CEP131: variants seen among roughly 807,000 people sequenced by gnomAD.
CEP131 encodes the protein centrosomal protein 131, also known as centrosomal protein of 131 kDa.
Under a neutral mutation model 136.8 loss-of-function variants are expected in CEP131, and 99 were observed. The ratio of observed to expected loss-of-function variants is 0.72; its 90% CI spans 0.62 to 0.86. The LOEUF is 0.86. Among genes scored for constraint, CEP131 ranks in the 40% least tolerant of loss-of-function variants. CEP131 has a pLI of 0.00. For missense variants in CEP131, 1,459 were observed against 1,463.0 expected (o/e 1.00, Z 0.04); for synonymous variants, 646 against 612.7 (o/e 1.05, Z -0.80).
chr17:81,191,106 G>A (rs771204829), intron 22 of CEP131, 22 bp from the exon 23 acceptor site: 41 of 1,599,616 alleles, frequency 2.6e-5, no homozygotes, highest in Non-Finnish European at 3.3e-5. Context: ...GGGAGGGCAG[G>A]GTCACTCCAG....
At chr17:81,202,807 C>CA (rs2061923252) in intron 6 of CEP131, among the ~76,000 whole-genome samples, 2 of 151,958 alleles carry the variant, frequency 1.3e-5, no homozygotes, top group Admixed American at 6.6e-5. Context: ...ACTAAAAACA[C>CA]AAAAAAATTC....
At chr17:81,220,836 G>A (rs1427032099) in intron 1 of CEP131, among the ~76,000 whole-genome samples, 5 of 151,776 alleles carry the variant, frequency 3.3e-5, no homozygotes, top group South Asian at 2.1e-4. Flanking sequence ...AAGGGGTTGC[G>A]TGTTGGCCGG....
chr17:81,207,817 C>T (rs1246224361), intron 3 of CEP131, among the ~76,000 whole-genome samples: 6 of 122,648 alleles, frequency 4.9e-5, no homozygotes, highest in East Asian at 2.3e-4. Flanking sequence ...GCCACAGCTG[C>T]GCCGAACACA....
chr17:81,212,321 CAAA>C (rs71166130), intron 2 of CEP131, among the ~76,000 whole-genome samples: 4 of 135,082 alleles, frequency 3.0e-5, no homozygotes, highest in Non-Finnish European at 6.3e-5. Context: ...GATTCCCTCT[CAAA>C]AAAAAAAAAA....
At position 81,211,106 on chromosome 17, in the gene CEP131, C is replaced by T. The variant is rs147003136; in HGVS notation, c.178-2084G>A. The stretch of plus-strand genomic sequence containing the variant: ...CACGGGCTTGGTCATACCTTCCAGA[C>T]CAGGCTACAGACAGTGACTACCAGA... On this transcript the variant is annotated intron_variant, in intron 2 of 25. Coordinates refer to ENST00000450824, the MANE Select transcript of CEP131 (RefSeq NM_014984.4). 9.4e-3 allele frequency among the ~76,000 whole-genome samples: 1,433 copies of T among 152,320 alleles called. 38 individuals are homozygous for T. The highest frequency in any genetic ancestry group is 0.06 in the Admixed American group (922 of 15,304).
intron 7 of CEP131, 141 bp from the exon 8 acceptor site, chr17:81,200,587 C>T (rs1296068918): frequency 6.3e-6 from 4 of 633,872 alleles, no homozygotes; most frequent in Non-Finnish European, 1.1e-5. Flanking sequence ...GCAGGACCAG[C>T]CCACCTGGAC....
At chr17:81,195,231 C>T (rs928624081) in intron 16 of CEP131, among the ~76,000 whole-genome samples, 2 of 152,228 alleles carry the variant, frequency 1.3e-5, no homozygotes, top group Non-Finnish European at 2.9e-5. Flanking sequence ...GAGGCCTTGC[C>T]CCAGAGAGGG....
At position 81,194,992 on chromosome 17, in the gene CEP131, G is replaced by A; in HGVS notation, c.2017-20C>T. Reference sequence around the variant, plus strand: ...AATCTCCTACGAGCAGAACAGGGCAGGAGGAAACGACACGAAGGACACCCC... The same window carrying A: ...AATCTCCTACGAGCAGAACAGGGCAAGAGGAAACGACACGAAGGACACCCC... On this transcript the variant is annotated intron_variant, in intron 16 of 25. Coordinates refer to ENST00000450824, the MANE Select transcript of CEP131 (RefSeq NM_014984.4). The A allele has an allele frequency of 6.3e-7, 1 of 1,595,072 alleles. No homozygotes were observed. Among genetic ancestry groups the A allele is most frequent in the Non-Finnish European group, 8.6e-7 (1 of 1,168,864 alleles).
intron 11 of CEP131, among the ~76,000 whole-genome samples, chr17:81,198,669 A>G (rs887419821): frequency 2.6e-5 from 4 of 152,078 alleles, no homozygotes; most frequent in East Asian, 3.9e-4. Flanking sequence ...CAAAAACCCA[A>G]CTGGATCCAC....
chr17:81,196,855 G>A (rs757972310), intron 14 of CEP131, 29 bp from the exon 15 acceptor site: 9 of 1,599,446 alleles, frequency 5.6e-6, no homozygotes, highest in East Asian at 2.3e-5. Context: ...GGAGGGAAGC[G>A]CTAGGACCGG....
chr17:81,197,449 G>C (rs2061785660), intron 13 of CEP131: 1 of 565,792 alleles, frequency 1.8e-6, no homozygotes. Context: ...GCAGCTCGGG[G>C]CAGCGGGTAG....
chr17:81,214,671 G>A (rs1451868641), intron 2 of CEP131, among the ~76,000 whole-genome samples: 9 of 152,190 alleles, frequency 5.9e-5, no homozygotes, highest in Non-Finnish European at 8.8e-5. Context: ...TGCTGCACGT[G>A]TGCCAACCAG....
At position 81,208,750 on chromosome 17, in the gene CEP131, A is replaced by T. The variant is rs1191269745; in HGVS notation, c.272+178T>A. ...CTCAGGCCTCCCGCCCCAATGCGAG[A>T]GGAGGCCTGGGACACAAAGCTGGCC... On this transcript the variant is annotated intron_variant, in intron 3 of 25. Transcript: ENST00000450824. The surrounding 1 kb of genome is among the most constrained non-coding windows in gnomAD (Gnocchi z 5.6). Among the ~76,000 whole-genome samples, 1 of 152,102 alleles carries T rather than the reference A, an allele frequency of 6.6e-6. No individual in the cohort carries two copies. The highest frequency in any genetic ancestry group is 2.4e-5 in the African/African-American group (1 of 41,406).
chr17:81,192,266 C>T, intron 21 of CEP131, 52 bp downstream of exon 21: 7 of 1,522,588 alleles, frequency 4.6e-6, no homozygotes, highest in Non-Finnish European at 6.2e-6. Context: ...CCAACTCCTG[C>T]CCACGCAGGG....
chr17:81,200,073 C>G lies in CEP131; in HGVS notation c.907-238G>C. 4.9e-6 allele frequency: 3 copies of G among 609,296 alleles called. No homozygotes were observed. In the South Asian group the frequency reaches 5.9e-5, roughly 12 times the overall value. 37.7% of individuals were successfully genotyped at this position (609,296 alleles called of 1,614,324 possible). A position where few individuals can be genotyped will look rare whatever the true frequency, so the allele number is the denominator to read the frequency against. On this transcript the variant is annotated intron_variant, in intron 8 of 25. Coordinates refer to ENST00000450824, the MANE Select transcript of CEP131 (RefSeq NM_014984.4). The stretch of plus-strand genomic sequence containing the variant: ...CGTGGGGGAGACAGCTCTGCCCCCA[C>G]AGAACGTCCTCCTGAGACTCTCCAG...
At chr17:81,216,945 G>A (rs1235996353) in intron 2 of CEP131, among the ~76,000 whole-genome samples, 4 of 151,892 alleles carry the variant, frequency 2.6e-5, no homozygotes, top group Non-Finnish European at 4.4e-5. Flanking sequence ...ACACCACGGT[G>A]GAAAGGCACC....
At chr17:81,214,822 G>T (rs2146714469) in intron 2 of CEP131, among the ~76,000 whole-genome samples, 1 of 152,210 alleles carries the variant, frequency 6.6e-6, no homozygotes, top group East Asian at 1.9e-4. Flanking sequence ...GCCCAGGGTG[G>T]AGTGCAGTGG....
intron 7 of CEP131, among the ~76,000 whole-genome samples, 155 bp from the exon 8 acceptor site, chr17:81,200,601 T>A (rs1390280400): frequency 6.6e-6 from 1 of 152,110 alleles, no homozygotes; most frequent in African/African-American, 2.4e-5. Flanking sequence ...CCTGGACCAT[T>A]TTCACATGGC....
At chr17:81,192,879 G>C in intron 18 of CEP131, 36 bp from the exon 19 acceptor site, 1 of 1,579,324 alleles carries the variant, frequency 6.3e-7, no homozygotes, top group Non-Finnish European at 8.5e-7. Flanking sequence ...CGGGGGCCGG[G>C]ACGGGCGGTC....
Sources: gnomAD v4.1 joint callset for allele counts (sites outside exome capture counted in the v4.1 genomes callset) on GRCh38, gnomAD v4.1.1 for gene constraint, Gnocchi (gnomAD v3.1) non-coding constraint, MANE v1.5 for transcripts, NCBI Gene and HGNC (gene_info 2026-07-23, HGNC 2026-07-21) for gene names.